ABHD6: variants seen among roughly 807,000 people sequenced by gnomAD.
ABHD6 encodes monoacylglycerol lipase ABHD6.
Under a neutral mutation model 38.8 loss-of-function variants are expected in ABHD6, and 33 were observed. The ratio of observed to expected loss-of-function variants is 0.85; its 90% CI spans 0.64 to 1.14. The LOEUF (loss-of-function observed/expected upper bound fraction) is 1.14, where lower values mean the gene tolerates loss of function less well. Ranked by LOEUF, ABHD6 falls within the 50% of genes most tolerant of loss-of-function variation. ABHD6 has a pLI of 0.00. For synonymous variants in ABHD6, 147 were observed against 161.6 expected (o/e 0.91, Z 0.69); for missense variants, 380 against 422.6 (o/e 0.90, Z 0.88).
At chr3:58,291,936 C>T (rs1332482796) in intron 9 of ABHD6, among the ~76,000 whole-genome samples, 11 of 151,956 alleles carry the variant, frequency 7.2e-5, no homozygotes, top group African/African-American at 2.4e-4. Context: ...TGCAACAGAG[C>T]GAGACCCTGT....
chr3:58,278,322 A>G (rs966669402), intron 7 of ABHD6, among the ~76,000 whole-genome samples: 5 of 152,262 alleles, frequency 3.3e-5, no homozygotes, highest in South Asian at 2.1e-4. Context: ...TTCCTGGTTT[A>G]GTCTTGGGAG....
intron 1 of ABHD6, among the ~76,000 whole-genome samples, chr3:58,243,926 A>G (rs6768823): frequency 0.74 from 113,035 of 152,018 alleles, 43,257 homozygotes; most frequent in East Asian, 1. Flanking sequence ...CAAAGTGCTG[A>G]GATTACAGGT....
chr3:58,293,927 T>C lies in ABHD6; in HGVS notation c.*162T>C. 2 of 696,938 alleles carry C rather than the reference T, an allele frequency of 2.9e-6. No homozygotes were observed. Among genetic ancestry groups the C allele is most frequent in the Non-Finnish European group, 2.2e-6 (1 of 448,922 alleles). The allele number at this position is 696,938 out of a possible 1,614,324, so 43.2% of individuals were successfully genotyped here. On this transcript the variant is annotated 3_prime_UTR_variant, in exon 10 of 10. Transcript: ENST00000478253. This position sits in a 1 kb window ranked among gnomAD's most constrained non-coding sequence, Gnocchi z 4.4. ...CTGGTATCCACGGTTCCCCAGAGCT[T>C]TGGGGACCACGCGAAAACCTCCAAG...
chr3:58,278,579 G>GT, intron 7 of ABHD6, among the ~76,000 whole-genome samples: 1 of 152,226 alleles, frequency 6.6e-6, no homozygotes, highest in East Asian at 1.9e-4. Context: ...TTTTTGAAGG[G>GT]TTTTTTGTGT....
At chr3:58,270,834 A>T in intron 5 of ABHD6, 98 bp from the exon 6 acceptor site, 2 of 1,339,460 alleles carry the variant, frequency 1.5e-6, no homozygotes, top group African/African-American at 1.5e-5. Flanking sequence ...AGTCATTTTC[A>T]GTTGTCCATA....
rs1311409220 is a variant in ABHD6 at position 58,256,517 on chromosome 3, T to C, written c.-25-45T>C. 1 of 1,192,994 alleles carries C rather than the reference T, an allele frequency of 8.4e-7. No individual in the cohort carries two copies. Among genetic ancestry groups the C allele is most frequent in the Non-Finnish European group, 1.2e-6 (1 of 827,350 alleles). 73.9% of individuals were successfully genotyped at this position (1,192,994 alleles called of 1,614,324 possible). On this transcript the variant is annotated intron_variant, in intron 2 of 9. Transcript: ENST00000478253. This position sits in a 1 kb window ranked among gnomAD's most constrained non-coding sequence, Gnocchi z 4.3. Reference sequence around the variant, plus strand: ...CCCTTTACTTCTTCGCCTTTTTTCCTTTGATACAGAGTTTTAATATCGTCA... The same window carrying C: ...CCCTTTACTTCTTCGCCTTTTTTCCCTTGATACAGAGTTTTAATATCGTCA...
At chr3:58,246,322 G>A (rs780644332) in intron 1 of ABHD6, among the ~76,000 whole-genome samples, 9 of 152,212 alleles carry the variant, frequency 5.9e-5, no homozygotes, top group Non-Finnish European at 1.3e-4. Flanking sequence ...GATGTTGCCA[G>A]GTCAGTGTAT....
At position 58,265,182 on chromosome 3, in the gene ABHD6, A is replaced by C. The variant is rs1232945847; in HGVS notation, c.120-2007A>C. Among the ~76,000 whole-genome samples, 1 of 152,198 alleles carries C rather than the reference A, an allele frequency of 6.6e-6. No homozygotes were observed. The highest frequency in any genetic ancestry group is 1.5e-5 in the Non-Finnish European group (1 of 68,036). On this transcript the variant is annotated intron_variant, in intron 3 of 9. Coordinates refer to ENST00000478253, the MANE Select transcript of ABHD6 (RefSeq NM_001320126.2). The surrounding 1 kb of genome is among the most constrained non-coding windows in gnomAD (Gnocchi z 4.2). ...TTTCTGTGTCTGGCTTACTTCACTT[A>C]ACATAATGATCTCCAGTTCCATCCA...
chr3:58,241,130 G>A (rs114799819), intron 1 of ABHD6, among the ~76,000 whole-genome samples: 77 of 152,228 alleles, frequency 5.1e-4, no homozygotes, highest in Non-Finnish European at 9.7e-4. Context: ...AACGTCCTAC[G>A]ATGCACAGGA....
intron 1 of ABHD6, among the ~76,000 whole-genome samples, chr3:58,246,060 C>T (rs1423488765): frequency 6.6e-6 from 1 of 152,182 alleles, no homozygotes; most frequent in Non-Finnish European, 1.5e-5. Flanking sequence ...GAGGGGTGAC[C>T]TGGCTGATGA....
At chr3:58,250,927 G>A (rs2097429478) in intron 2 of ABHD6, among the ~76,000 whole-genome samples, 1 of 152,196 alleles carries the variant, frequency 6.6e-6, no homozygotes, top group Non-Finnish European at 1.5e-5. Flanking sequence ...CAGTGCTGGT[G>A]CCTCTTCACC....
At chr3:58,243,756 G>A (rs1383657404) in intron 1 of ABHD6, among the ~76,000 whole-genome samples, 1 of 152,012 alleles carries the variant, frequency 6.6e-6, no homozygotes, top group Non-Finnish European at 1.5e-5. Flanking sequence ...TGCCTCCTGA[G>A]TTCAAGGCAT....
Position 58,270,937 on chromosome 3 carries a change from A to G in ABHD6, c.396A>G (p.Val132=). 2.5e-6 allele frequency: 4 copies of G among 1,602,374 alleles called. No homozygotes were observed. The highest frequency in any genetic ancestry group is 3.4e-6 in the Non-Finnish European group (4 of 1,176,052). ...TTTCTCATTTCCCTTCCTAGTTTGT[A>G]GAATGCCTGAAGCTGAACAAAAAAC... is the stretch of plus-strand genomic sequence containing the variant. ...DGQVKRIHQF[V]ECLKLNKKPF... is the part of the protein sequence containing the mutation. Residue 132 remains valine (V), a synonymous_variant, in exon 6 of 10, where the codon GTA becomes GTG. Transcript: ENST00000478253.
At chr3:58,286,858 ATATATATATATG>A (rs2097457656) in intron 9 of ABHD6, among the ~76,000 whole-genome samples, 1 of 125,430 alleles carries the variant, frequency 8.0e-6, no homozygotes, top group Admixed American at 8.3e-5. Flanking sequence ...GTGTGTATAT[ATATATATATATG>A]TATATGTATA....
intron 1 of ABHD6, among the ~76,000 whole-genome samples, chr3:58,247,662 C>T (rs893581214): frequency 2.6e-5 from 4 of 152,132 alleles, no homozygotes; most frequent in East Asian, 1.9e-4. Flanking sequence ...TTGCAACCTC[C>T]ACCTCGCGGT....
chr3:58,277,348 T>C (rs2097449507), intron 7 of ABHD6, among the ~76,000 whole-genome samples: 1 of 152,192 alleles, frequency 6.6e-6, no homozygotes, highest in Admixed American at 6.5e-5. Flanking sequence ...GTAAGTTGGA[T>C]TCCTAGGTAT....
chr3:58,286,848 G>GTATATATATA lies in ABHD6; in HGVS notation c.837+1396_837+1397insATATATATAT, dbSNP rs60071781. ...TGTGTGTGTGTGTGTGTGTGTGTGTGTGTGTATATATATATATATATGTAT... is the reference window on the plus strand; with the variant it reads ...TGTGTGTGTGTGTGTGTGTGTGTGTGTATATATATATGTGTATATATATATATATATGTAT... On this transcript the variant is annotated intron_variant, in intron 9 of 9. Coordinates refer to ENST00000478253, the MANE Select transcript of ABHD6 (RefSeq NM_001320126.2). Among the ~76,000 whole-genome samples, 71 of 70,042 alleles carry GTATATATATA rather than the reference G, an allele frequency of 1.0e-3. 2 individuals carry two copies. Among genetic ancestry groups the GTATATATATA allele is most frequent in the South Asian group, 3.2e-3 (5 of 1,578 alleles). 46.0% of individuals were successfully genotyped at this position (70,042 alleles called of 152,430 possible).
intron 9 of ABHD6, among the ~76,000 whole-genome samples, chr3:58,292,417 C>T (rs950266123): frequency 7.2e-5 from 11 of 152,160 alleles, no homozygotes; most frequent in African/African-American, 2.4e-4. Flanking sequence ...GAATGCGGAT[C>T]CACTTCTGAG....
Position 58,274,799 on chromosome 3 carries a change from T to C in ABHD6, c.665T>C (p.Phe222Ser), listed in dbSNP as rs2097447616. Residue 222 changes from phenylalanine (F) to serine (S), a missense_variant, in exon 7 of 10, where the codon TTC (phenylalanine) becomes TCC (serine). Physicochemically the swap from Phe to Ser is radical, Grantham distance 155. Transcript: ENST00000478253. ...CTTCAGCTCTGCTCCTATGTCCGCT[T>C]CAAGGTGCCCCAGCAGGTAACGTGG... ...EMLQLCSYVRFKVPQQILQGL... is the reference protein window; with the variant it reads ...EMLQLCSYVRSKVPQQILQGL... 6.2e-7 allele frequency: 1 copy of C among 1,613,818 alleles called. No individual in the cohort carries two copies. The highest frequency in any genetic ancestry group is 1.7e-5 in the Admixed American group (1 of 59,936).
Sources: allele counts gnomAD v4.1 joint callset (sites outside exome capture counted in the v4.1 genomes callset), GRCh38; gene constraint gnomAD v4.1.1; non-coding constraint Gnocchi (gnomAD v3.1); transcripts MANE v1.5; gene names NCBI Gene and HGNC (gene_info 2026-07-23, HGNC 2026-07-21).